Variants in SIK3 observed in about 807,000 individuals in gnomAD.
The protein encoded by SIK3 is serine/threonine-protein kinase SIK3.
Under a neutral mutation model 144.2 loss-of-function variants are expected in SIK3, and 28 were observed. The observed-to-expected ratio is 0.19, with a 90% confidence interval of 0.14 to 0.27. The LOEUF is 0.27. Among genes scored for constraint, SIK3 ranks in the 10% least tolerant of loss-of-function variants. The pLI, the probability that SIK3 is intolerant of heterozygous loss-of-function variation, is 1.00. For missense variants in SIK3, 1,319 were observed against 1,776.0 expected (o/e 0.74, Z 4.62); for synonymous variants, 686 against 676.3 (o/e 1.01, Z -0.22).
At chr11:117,009,971 A>G (rs1238297540) in intron 1 of SIK3, among the ~76,000 whole-genome samples, 2 of 152,168 alleles carry the variant, frequency 1.3e-5, no homozygotes, top group African/African-American at 4.8e-5. Flanking sequence ...CTGGAAAAAA[A>G]TATCTAAAAA....
intron 4 of SIK3, among the ~76,000 whole-genome samples, chr11:116,897,615 G>C (rs1394040247): frequency 2.0e-5 from 3 of 152,194 alleles, no homozygotes; most frequent in African/African-American, 4.8e-5. Flanking sequence ...ATGGGCCTGG[G>C]GGCAGTGGCT....
chr11:116,874,418 G>A (rs1565394079), intron 11 of SIK3, among the ~76,000 whole-genome samples: 1 of 152,220 alleles, frequency 6.6e-6, no homozygotes, highest in Non-Finnish European at 1.5e-5. Context: ...GCCTGAAGTA[G>A]CAACTGATTC....
chr11:116,925,109 C>T (rs896427265), intron 4 of SIK3, among the ~76,000 whole-genome samples: 10 of 152,250 alleles, frequency 6.6e-5, no homozygotes, highest in Middle Eastern at 3.4e-3. Flanking sequence ...GGTAAAACCC[C>T]ATCTCTACTA....
rs186554010 is a variant in SIK3 at position 117,010,629 on chromosome 11, T to G, written c.274-53565A>C. Among the ~76,000 whole-genome samples, 329 of 152,060 alleles carry G rather than the reference T, an allele frequency of 2.2e-3. 5 individuals are homozygous for G. The South Asian group carries it at 0.053, about 25-fold the overall frequency. On this transcript the variant is annotated intron_variant, in intron 1 of 24. Transcript: ENST00000445177. The stretch of plus-strand genomic sequence containing the variant: ...CTGCCACCATGGCCTTGGTCCTCTT[T>G]AATTTTTCCTTTAAGTATTTAAGTG...
At position 116,900,974 on chromosome 11, in the gene SIK3, C is replaced by T. The variant is rs527744418; in HGVS notation, c.617-3657G>A. On this transcript the variant is annotated intron_variant, in intron 4 of 24. Transcript: ENST00000445177. Reference sequence around the variant, plus strand: ...CCACCTCCCAGGTTCAAGAGATTCTCCTGCCTCAGCCTCCCAGGTAGCTGG... The same window carrying T: ...CCACCTCCCAGGTTCAAGAGATTCTTCTGCCTCAGCCTCCCAGGTAGCTGG... Among the ~76,000 whole-genome samples the T allele has an allele frequency of 3.5e-3, 533 of 152,070 alleles. 2 individuals carry two copies. The highest frequency in any genetic ancestry group is 0.012 in the African/African-American group (518 of 41,460).
chr11:116,946,328 A>G (rs1948585747), intron 3 of SIK3, among the ~76,000 whole-genome samples: 1 of 152,148 alleles, frequency 6.6e-6, no homozygotes. Flanking sequence ...ATGGCAGAAG[A>G]TAGGAAACCC....
At chr11:116,857,717 G>A in intron 21 of SIK3, 93 bp downstream of exon 21, 1 of 1,483,798 alleles carries the variant, frequency 6.7e-7, no homozygotes. Context: ...TTTTTCTTAG[G>A]AACACAGAAT....
intron 3 of SIK3, among the ~76,000 whole-genome samples, chr11:116,947,065 T>C (rs545289179): frequency 4.8e-4 from 71 of 147,946 alleles, no homozygotes; most frequent in Non-Finnish European, 8.1e-4. Flanking sequence ...TGAGCCGAGA[T>C]TGCGCCACTG....
intron 6 of SIK3, among the ~76,000 whole-genome samples, chr11:116,889,959 T>C (rs1292262541): frequency 6.6e-6 from 1 of 152,184 alleles, no homozygotes; most frequent in Non-Finnish European, 1.5e-5. Context: ...ATGTAATTAT[T>C]TGATATTACT....
chr11:116,924,456 T>G (rs1406869750), intron 4 of SIK3, among the ~76,000 whole-genome samples: 1 of 152,132 alleles, frequency 6.6e-6, no homozygotes, highest in East Asian at 1.9e-4. Flanking sequence ...TTTGTTTTGT[T>G]TTGTTTTCTA....
In SIK3 at chr11:116,863,789, T is replaced by C. The variant is rs1448696148; in HGVS notation, c.1982A>G (p.His661Arg). ...RSTYKDSNTL[H>R]LPTERFSPVR... ...AGGGGAGAAACGCTCCGTAGGGAGG[T>C]GCAGAGTGTTGGAGTCCTTGTAGGT... The change falls in exon 16 of 25, where the codon CAC (histidine) becomes CGC (arginine). Residue 661 changes from histidine (H) to arginine (R), a missense_variant. His to Arg is a conservative substitution (Grantham distance 29). Around this residue, in one of 8 missense-constraint regions of SIK3, gnomAD observed 47 missense variants for 40.2 expected, o/e 1.17. Transcript: ENST00000445177. The C allele has an allele frequency of 1.2e-6, 2 of 1,613,424 alleles. No homozygotes were observed. The highest frequency in any genetic ancestry group is 1.3e-5 in the African/African-American group (1 of 74,848).
At chr11:116,938,356 G>C (rs1452880881) in intron 3 of SIK3, among the ~76,000 whole-genome samples, 1 of 12,286 alleles carries the variant, frequency 8.1e-5, no homozygotes, top group Non-Finnish European at 1.6e-4. Flanking sequence ...CGGGAGGGGA[G>C]GGGAGGGGAG....
At chr11:116,959,713 T>C (rs1949272346) in intron 1 of SIK3, among the ~76,000 whole-genome samples, 1 of 152,078 alleles carries the variant, frequency 6.6e-6, no homozygotes, top group Non-Finnish European at 1.5e-5. Context: ...TAAACAGAGA[T>C]TGTGTGGCTC....
At chr11:116,995,006 C>T (rs1032168354) in intron 1 of SIK3, among the ~76,000 whole-genome samples, 5 of 151,908 alleles carry the variant, frequency 3.3e-5, no homozygotes, top group Middle Eastern at 3.4e-3. Flanking sequence ...TGGTGGCTCA[C>T]GCCTGTAATC....
Position 116,896,384 on chromosome 11 carries a change from C to A in SIK3, c.742-8G>T, listed in dbSNP as rs1260693915. On this transcript the variant is annotated splice_region_variant and splice_polypyrimidine_tract_variant and intron_variant, in intron 5 of 24. Coordinates refer to ENST00000445177, the MANE Select transcript of SIK3 (RefSeq NM_001366686.3). ...GAGGACAACTCCAAGGCTCTGCATC[C>A]CAAACAGAGAGGATGTACAATTAAT... 2.2e-5 allele frequency: 35 copies of A among 1,612,396 alleles called. No homozygotes were observed. In the South Asian group the frequency reaches 3.7e-4, roughly 17 times the overall value.
intron 1 of SIK3, among the ~76,000 whole-genome samples, chr11:116,973,354 G>A (rs1326376144): frequency 6.6e-6 from 1 of 152,194 alleles, no homozygotes; most frequent in East Asian, 1.9e-4. Flanking sequence ...GTACAGAACT[G>A]TAGCAGTTTC....
intron 6 of SIK3, among the ~76,000 whole-genome samples, chr11:116,894,201 C>T (rs73590482): frequency 0.014 from 2,148 of 152,192 alleles, 56 homozygotes; most frequent in African/African-American, 0.047. Flanking sequence ...ACCTCTTCAC[C>T]TGCTTGTTCT....
At chr11:116,872,161 G>T (rs1944003001) in intron 13 of SIK3, among the ~76,000 whole-genome samples, 1 of 152,176 alleles carries the variant, frequency 6.6e-6, no homozygotes, top group South Asian at 2.1e-4. Context: ...CAGACACCAA[G>T]AACAGAAAAT....
At chr11:116,938,273 AG>A (rs1430935007) in intron 3 of SIK3, among the ~76,000 whole-genome samples, 3,696 of 84,350 alleles carry the variant, frequency 0.044, 282 homozygotes, top group African/African-American at 0.08. Context: ...AGGAGAGGAG[AG>A]GAGAGGAGAG....
Sources: gnomAD v4.1 joint callset for allele counts (sites outside exome capture counted in the v4.1 genomes callset) on GRCh38, gnomAD v4.1.1 for gene constraint, gnomAD v4.1.1 regional missense constraint, MANE v1.5 for transcripts, NCBI Gene and HGNC (gene_info 2026-07-23, HGNC 2026-07-21) for gene names.